GON4L: variants seen among roughly 807,000 people sequenced by gnomAD.
The protein encoded by GON4L is GON-4-like protein.
GON4L carries 87 observed loss-of-function variants against 211.8 expected under a neutral mutation model. That is an observed-to-expected ratio of 0.41 (90% CI 0.35 to 0.49). The LOEUF is 0.49. GON4L is among the 20% of genes least tolerant of loss of function. The pLI is 0.15. For missense variants in GON4L, 2,155 were observed against 2,659.5 expected (o/e 0.81, Z 4.17); for synonymous variants, 875 against 962.6 (o/e 0.91, Z 1.68).
intron 19 of GON4L, among the ~76,000 whole-genome samples, chr1:155,768,494 C>T (rs1487334244): frequency 6.6e-6 from 1 of 151,364 alleles, no homozygotes; most frequent in Admixed American, 6.6e-5. Flanking sequence ...GCCTGTAGTC[C>T]CAGCTACTCA....
chr1:155,850,098 G>A (rs1557933216), intron 2 of GON4L, among the ~76,000 whole-genome samples: 1 of 151,736 alleles, frequency 6.6e-6, no homozygotes, highest in African/African-American at 2.4e-5. Context: ...CAAAAAGACT[G>A]AGGCTTAAGC....
Position 155,777,839 on chromosome 1 carries a change from T to C in GON4L, c.1893-19A>G. 6.7e-7 allele frequency: 1 copy of C among 1,493,500 alleles called. No homozygotes were observed. Among genetic ancestry groups the C allele is most frequent in the Non-Finnish European group, 9.3e-7 (1 of 1,072,128 alleles). 92.5% of individuals were successfully genotyped at this position (1,493,500 alleles called of 1,614,324 possible). A position where few individuals can be genotyped will look rare whatever the true frequency, so the allele number is the denominator to read the frequency against. On this transcript the variant is annotated intron_variant, in intron 14 of 31. Transcript: ENST00000368331. Reference sequence around the variant, plus strand: ...CTCAAACCTATTCCCAACAGGGAGATGACTGAATTTGAGTGTTTCCGTAGG... The same window carrying C: ...CTCAAACCTATTCCCAACAGGGAGACGACTGAATTTGAGTGTTTCCGTAGG...
At chr1:155,825,141 G>A (rs1419753162) in intron 3 of GON4L, among the ~76,000 whole-genome samples, 1 of 151,954 alleles carries the variant, frequency 6.6e-6, no homozygotes, top group East Asian at 1.9e-4. Flanking sequence ...TCCAGCCTGG[G>A]TGACAGAGCA....
Position 155,766,546 on chromosome 1 carries a change from C to T in GON4L, c.2927G>A (p.Gly976Asp), listed in dbSNP as rs75345940. The change falls in exon 21 of 32, where the codon GGT becomes GAT. Residue 976 changes from glycine to aspartate, a missense_variant. By Grantham distance (94) the Gly-to-Asp change is moderately conservative. Coordinates refer to ENST00000368331, the MANE Select transcript of GON4L (RefSeq NM_001282860.2). ...ESRYPLLLPKGVVLKLKPVAT... is the reference protein window; with the variant it reads ...ESRYPLLLPKDVVLKLKPVAT... Reference sequence around the variant, plus strand: ...AACTGGCTTCAGTTTCAGGACTACACCCTTAGGCAATAGCAGTGGGTACCG... The same window carrying T: ...AACTGGCTTCAGTTTCAGGACTACATCCTTAGGCAATAGCAGTGGGTACCG... The T allele has an allele frequency of 3.1e-6, 5 of 1,614,062 alleles. No individual in the cohort carries two copies. The highest frequency in any genetic ancestry group is 1.7e-5 in the Admixed American group (1 of 59,998).
intron 2 of GON4L, among the ~76,000 whole-genome samples, chr1:155,843,690 G>C (rs1303969784): frequency 6.6e-6 from 1 of 152,136 alleles, no homozygotes; most frequent in African/African-American, 2.4e-5. Context: ...TATACATGGT[G>C]CCTCCTCCAG....
At chr1:155,770,656 C>A (rs1314236529) in intron 19 of GON4L, among the ~76,000 whole-genome samples, 1 of 152,188 alleles carries the variant, frequency 6.6e-6, no homozygotes, top group African/African-American at 2.4e-5. Flanking sequence ...CAAGACCAGC[C>A]TGGCCAACAT....
At chr1:155,810,968 G>A (rs932613751) in intron 10 of GON4L, among the ~76,000 whole-genome samples, 4 of 151,938 alleles carry the variant, frequency 2.6e-5, no homozygotes, top group African/African-American at 9.7e-5. Context: ...GCAGTCAGCT[G>A]AGATCACACC....
chr1:155,848,595 A>G (rs959196745), intron 2 of GON4L, among the ~76,000 whole-genome samples: 2 of 152,124 alleles, frequency 1.3e-5, no homozygotes, highest in African/African-American at 4.8e-5. Flanking sequence ...CTCACAATCT[A>G]TCAAATCCTG....
At chr1:155,843,802 T>C (rs1670991663) in intron 2 of GON4L, among the ~76,000 whole-genome samples, 1 of 152,132 alleles carries the variant, frequency 6.6e-6, no homozygotes, top group South Asian at 2.1e-4. Context: ...CATTGGAACC[T>C]GGAAAAGGTA....
At chr1:155,815,260 C>T (rs764165984) in intron 8 of GON4L, among the ~76,000 whole-genome samples, 1 of 152,020 alleles carries the variant, frequency 6.6e-6, no homozygotes, top group Non-Finnish European at 1.5e-5. Context: ...TGAAAGGGAA[C>T]GAAGTATAGC....
intron 3 of GON4L, 47 bp from the exon 4 acceptor site, chr1:155,822,523 C>T: frequency 6.9e-7 from 1 of 1,447,378 alleles, no homozygotes; most frequent in South Asian, 1.1e-5. Context: ...ATAGCTGCTC[C>T]AGGAACTTAG....
chr1:155,745,540 G>C (rs1660225765), downstream of GON4L, among the ~76,000 whole-genome samples: 1 of 152,234 alleles, frequency 6.6e-6, no homozygotes. Flanking sequence ...GCGCCCTGGC[G>C]GCCCCAAGTC....
intron 3 of GON4L, among the ~76,000 whole-genome samples, chr1:155,825,796 A>C (rs554496482): frequency 2.6e-5 from 4 of 151,818 alleles, no homozygotes; most frequent in Non-Finnish European, 5.9e-5. Flanking sequence ...TAATCCCAGC[A>C]CTTTGGAAAG....
intron 14 of GON4L, among the ~76,000 whole-genome samples, chr1:155,780,932 ATTCT>A (rs1664356228): frequency 6.6e-6 from 1 of 152,096 alleles, no homozygotes; most frequent in Admixed American, 6.6e-5. Context: ...GATAAAAATC[ATTCT>A]TTCTTTTATA....
intron 14 of GON4L, among the ~76,000 whole-genome samples, chr1:155,780,187 T>C (rs1469643727): frequency 6.6e-6 from 1 of 152,224 alleles, no homozygotes; most frequent in Non-Finnish European, 1.5e-5. Context: ...TCTGTTCAGG[T>C]AAACTATCAT....
intron 2 of GON4L, among the ~76,000 whole-genome samples, chr1:155,835,972 C>T (rs886844683): frequency 3.9e-5 from 6 of 152,144 alleles, no homozygotes; most frequent in African/African-American, 1.2e-4. Flanking sequence ...GGTTGAGCAC[C>T]GTGGCTCACG....
In GON4L at chr1:155,767,551, A is replaced by G. The variant is rs754652094; in HGVS notation, c.2647-10T>C. 3.7e-6 allele frequency: 6 copies of G among 1,605,552 alleles called. No individual in the cohort carries two copies. The highest frequency in any genetic ancestry group is 4.3e-6 in the Non-Finnish European group (5 of 1,173,980). On this transcript the variant is annotated splice_polypyrimidine_tract_variant and intron_variant, in intron 19 of 31. Transcript: ENST00000368331. ...TGGTCTTCTTATAAAACTTAACATG[A>G]AAAAAATGCGCATGAATTACATTCC...
intron 8 of GON4L, 142 bp from the exon 9 acceptor site, chr1:155,814,591 C>A: frequency 2.3e-6 from 2 of 868,912 alleles, no homozygotes; most frequent in East Asian, 5.2e-5. Flanking sequence ...GCTAAAAATA[C>A]AAAAATAAGC....
At position 155,853,742 on chromosome 1, in the gene GON4L, C is replaced by T. The variant is rs757997813; in HGVS notation, c.39G>A (p.Glu13=). 2 of 1,613,310 alleles carry T rather than the reference C, an allele frequency of 1.2e-6. No individual in the cohort carries two copies. Among genetic ancestry groups the T allele is most frequent in the Non-Finnish European group, 1.7e-6 (2 of 1,179,228 alleles). Reference sequence around the variant, plus strand: ...CTTGATTGCCTTTATGCTGTAGGGACTCTGTCACTGTAGTTCTTCTCTTCT... The same window carrying T: ...CTTGATTGCCTTTATGCTGTAGGGATTCTGTCACTGTAGTTCTTCTCTTCT... ...PCKKRRTTVT[E]SLQHKGNQEE... The change falls in exon 2 of 32, where the codon GAG becomes GAA. Residue 13 remains glutamate, a synonymous_variant. Transcript: ENST00000368331.
Sources: gnomAD v4.1 joint callset for allele counts (sites outside exome capture counted in the v4.1 genomes callset) on GRCh38, gnomAD v4.1.1 for gene constraint, MANE v1.5 for transcripts, NCBI Gene and HGNC (gene_info 2026-07-23, HGNC 2026-07-21) for gene names.